PLB1: variants seen among roughly 807,000 people sequenced by gnomAD.
The protein encoded by PLB1 is phospholipase B1, membrane-associated.
In PLB1, 242 loss-of-function variants were observed where a neutral mutation model predicts 227.4. The observed-to-expected ratio is 1.06, with a 90% CI of 0.96 to 1.18. The LOEUF (loss-of-function observed/expected upper bound fraction) is 1.18. PLB1 is among the 50% of genes most tolerant of loss of function. The pLI is 0.00. For synonymous variants in PLB1, 757 were observed against 682.2 expected (o/e 1.11, Z -1.71); for missense variants, 1,858 against 1,816.3 (o/e 1.02, Z -0.42).
At chr2:28,518,598 C>A in intron 3 of PLB1, 66 bp downstream of exon 3, 1 of 1,224,236 alleles carries the variant, frequency 8.2e-7, no homozygotes, top group Non-Finnish European at 1.2e-6. Flanking sequence ...CCAGCAGAGG[C>A]TCTAACCCTA....
intron 1 of PLB1, among the ~76,000 whole-genome samples, chr2:28,515,778 C>A (rs758759244): frequency 1.3e-4 from 20 of 152,144 alleles, no homozygotes; most frequent in Non-Finnish European, 2.5e-4. Context: ...GTACCCTGGG[C>A]AGGCATTGGG....
chr2:28,543,820 TGTA>T (rs1025351677), intron 14 of PLB1, among the ~76,000 whole-genome samples: 5 of 152,196 alleles, frequency 3.3e-5, no homozygotes, highest in African/African-American at 1.2e-4. Flanking sequence ...GCTCCTGGCC[TGTA>T]GTAAGCACTC....
chr2:28,582,159 G>A (rs747498584), intron 24 of PLB1, 26 bp downstream of exon 24: 3 of 1,601,970 alleles, frequency 1.9e-6, no homozygotes, highest in Non-Finnish European at 2.6e-6. Context: ...CATGAGGCCT[G>A]CATCTTAGAC....
chr2:28,629,322 C>T (rs1308157382), intron 53 of PLB1, 137 bp downstream of exon 53: 7 of 642,182 alleles, frequency 1.1e-5, no homozygotes, highest in African/African-American at 1.8e-5. Flanking sequence ...GCTTGGACAA[C>T]ATCAGGAAGT....
Position 28,589,543 on chromosome 2 carries a change from C to T in PLB1, c.1909C>T (p.Pro637Ser). 6.2e-7 allele frequency: 1 copy of T among 1,614,030 alleles called. No homozygotes were observed. Among genetic ancestry groups the T allele is most frequent in the Non-Finnish European group, 8.5e-7 (1 of 1,179,974 alleles). Reference protein sequence around the residue: ...VQPFFENVDMPKTSEGLPDNS... With the variant: ...VQPFFENVDMSKTSEGLPDNS... ...GCCGTTCTTTGAAAACGTGGACATG[C>T]CAAAGACCTCGGTAAAGAAAGCAAG... The change falls in exon 27 of 58, where the codon CCA becomes TCA. Residue 637 changes from proline (P) to serine (S), a missense_variant. Coordinates refer to ENST00000327757, the MANE Select transcript of PLB1 (RefSeq NM_153021.5).
rs758905013 is a variant in PLB1 at position 28,618,357 on chromosome 2, A to G, written c.3273A>G (p.Pro1091=). 5 of 1,614,180 alleles carry G rather than the reference A, an allele frequency of 3.1e-6. No homozygotes were observed. The highest frequency in any genetic ancestry group is 3.4e-6 in the Non-Finnish European group (4 of 1,180,024). The change falls in exon 46 of 58, where the codon CCA becomes CCG. Residue 1091 remains proline (P), a synonymous_variant. Transcript: ENST00000327757. ...SVPTSVHQLR[P]ADIKVVAALG... ...CTCCCCTAGTCCACCAGCTCCGACC[A>G]GCAGACATCAAAGTGGTGGCCGCCC...
chr2:28,549,512 T>C (rs917974038), intron 15 of PLB1, among the ~76,000 whole-genome samples: 5 of 135,052 alleles, frequency 3.7e-5, no homozygotes, highest in African/African-American at 1.4e-4. Flanking sequence ...GCCTCCCGGG[T>C]TCAAGCGATT....
intron 21 of PLB1, 71 bp from the exon 22 acceptor site, chr2:28,578,036 G>T: frequency 2.1e-6 from 3 of 1,462,406 alleles, no homozygotes; most frequent in Non-Finnish European, 2.9e-6. Context: ...ACATTTGATT[G>T]CTGTTCTCTC....
chr2:28,638,758 C>T (rs1356992896), intron 56 of PLB1, among the ~76,000 whole-genome samples: 2 of 146,216 alleles, frequency 1.4e-5, no homozygotes, highest in Non-Finnish European at 3.0e-5. Context: ...AACTGCCTTC[C>T]AGACATCCAC....
intron 20 of PLB1, among the ~76,000 whole-genome samples, chr2:28,567,469 CTTTT>C (rs57787583): frequency 3.7e-5 from 4 of 108,072 alleles, no homozygotes; most frequent in African/African-American, 8.1e-5. Flanking sequence ...ATTTCTTTCT[CTTTT>C]TTTTTTTTTT....
intron 17 of PLB1, among the ~76,000 whole-genome samples, chr2:28,559,386 C>T (rs1348804637): frequency 1.1e-4 from 16 of 152,234 alleles, no homozygotes; most frequent in Admixed American, 8.5e-4. Flanking sequence ...TGGAGGACCG[C>T]TGCTCTATAT....
intron 49 of PLB1, 96 bp from the exon 50 acceptor site, chr2:28,624,961 C>T: frequency 8.6e-7 from 1 of 1,158,580 alleles, no homozygotes. Flanking sequence ...TAACATCATT[C>T]TTCTTGAAAC....
chr2:28,582,624 C>T (rs73922180), intron 25 of PLB1, 119 bp downstream of exon 25: 13,297 of 747,546 alleles, frequency 0.018, 317 homozygotes, highest in African/African-American at 0.085. Flanking sequence ...GTGACCACCC[C>T]ATCTTCTAAC....
intron 33 of PLB1, chr2:28,595,950 T>C (rs1682837557): frequency 6.6e-6 from 1 of 152,206 alleles, no homozygotes. Flanking sequence ...TTTGGCCAGC[T>C]TAACAATGTG....
In PLB1 at chr2:28,610,473, A is replaced by G. The variant is rs145649702; in HGVS notation, c.3130-3558A>G. 1.1e-3 allele frequency among the ~76,000 whole-genome samples: 169 copies of G among 152,252 alleles called. 1 individual carries two copies. Among genetic ancestry groups the G allele is most frequent in the African/African-American group, 4.0e-3 (166 of 41,544 alleles). ...GCCGGAACTAGCACTTTTTGAATGG[A>G]ATGGGATAGAAAACCTCTTAGGACA... On this transcript the variant is annotated intron_variant, in intron 43 of 57. Transcript: ENST00000327757.
At chr2:28,511,159 T>A (rs573751303) in intron 1 of PLB1, among the ~76,000 whole-genome samples, 1 of 152,320 alleles carries the variant, frequency 6.6e-6, no homozygotes, top group Non-Finnish European at 1.5e-5. Context: ...CATCCAAATC[T>A]GCCCACAAAG....
At chr2:28,561,952 A>G (rs1008261583) in intron 17 of PLB1, among the ~76,000 whole-genome samples, 1 of 152,224 alleles carries the variant, frequency 6.6e-6, no homozygotes, top group African/African-American at 2.4e-5. Context: ...TGAAAACATT[A>G]TGCAAAATAG....
chr2:28,549,613 T>TA (rs1673900323), intron 15 of PLB1, among the ~76,000 whole-genome samples: 1 of 152,140 alleles, frequency 6.6e-6, no homozygotes, highest in African/African-American at 2.4e-5. Context: ...TTCTATCATT[T>TA]AATGCTAGTC....
chr2:28,610,101 A>G (rs1685230738), intron 43 of PLB1, among the ~76,000 whole-genome samples: 1 of 151,870 alleles, frequency 6.6e-6, no homozygotes, highest in Non-Finnish European at 1.5e-5. Flanking sequence ...TTTTTTATTT[A>G]TTTATTTATT....
Sources: allele counts gnomAD v4.1 joint callset (sites outside exome capture counted in the v4.1 genomes callset), GRCh38; gene constraint gnomAD v4.1.1; transcripts MANE v1.5; gene names NCBI Gene and HGNC (gene_info 2026-07-23, HGNC 2026-07-21).